The following STT3B variants were observed in gnomAD, a reference collection of about 807,000 sequenced individuals.
The protein encoded by STT3B is dolichyl-diphosphooligosaccharide--protein glycosyltransferase subunit STT3B.
Under a neutral mutation model 96.8 loss-of-function variants are expected in STT3B, and 29 were observed. The ratio of observed to expected loss-of-function variants is 0.30; its 90% confidence interval spans 0.22 to 0.41. The LOEUF is 0.41. Among genes scored for constraint, STT3B ranks in the 10% least tolerant of loss-of-function variants. The pLI, the probability that STT3B is intolerant of heterozygous loss-of-function variation, is 1.00. For synonymous variants in STT3B, 367 were observed against 360.0 expected (o/e 1.02, Z -0.22); for missense variants, 640 against 1,022.3 (o/e 0.63, Z 5.10).
intron 5 of STT3B, among the ~76,000 whole-genome samples, 183 bp downstream of exon 5, chr3:31,600,642 T>G (rs1440185204): frequency 6.6e-6 from 1 of 152,136 alleles, no homozygotes; most frequent in African/African-American, 2.4e-5. Context: ...TCATCAACTT[T>G]TCCTTGACAA....
At chr3:31,538,530 T>C (rs145930705) in intron 1 of STT3B, among the ~76,000 whole-genome samples, 1 of 152,264 alleles carries the variant, frequency 6.6e-6, no homozygotes, top group South Asian at 2.1e-4. Context: ...AGGTGTAATT[T>C]ATGTGAAACT....
intron 1 of STT3B, among the ~76,000 whole-genome samples, chr3:31,552,691 G>C (rs1265734872): frequency 6.6e-6 from 1 of 152,114 alleles, no homozygotes; most frequent in Non-Finnish European, 1.5e-5. Flanking sequence ...CCAGGTTTAA[G>C]TTAGATGTCA....
At chr3:31,588,767 A>C (rs1388467527) in intron 3 of STT3B, among the ~76,000 whole-genome samples, 1 of 151,986 alleles carries the variant, frequency 6.6e-6, no homozygotes, top group African/African-American at 2.4e-5. Context: ...TTGTTAAAAA[A>C]ATTATTCTTT....
At chr3:31,557,330 C>T in intron 1 of STT3B, among the ~76,000 whole-genome samples, 1 of 152,124 alleles carries the variant, frequency 6.6e-6, no homozygotes, top group Non-Finnish European at 1.5e-5. Flanking sequence ...TCTTTTTGCT[C>T]ATGGTTGCTT....
intron 1 of STT3B, among the ~76,000 whole-genome samples, chr3:31,537,968 T>C (rs1423261164): frequency 6.6e-6 from 1 of 152,222 alleles, no homozygotes; most frequent in Admixed American, 6.5e-5. Context: ...TTCCCCTCAA[T>C]TTGTTTACTT....
chr3:31,557,590 C>T (rs1697751033), intron 1 of STT3B, among the ~76,000 whole-genome samples: 1 of 151,738 alleles, frequency 6.6e-6, no homozygotes, highest in African/African-American at 2.4e-5. Context: ...CTTTCACTTC[C>T]TTTGTTAAAT....
At chr3:31,564,024 C>G (rs1023933651) in intron 1 of STT3B, among the ~76,000 whole-genome samples, 1 of 152,140 alleles carries the variant, frequency 6.6e-6, no homozygotes, top group Non-Finnish European at 1.5e-5. Context: ...GAGGCCAGAA[C>G]ATGAACCGGG....
Position 31,629,308 on chromosome 3 carries a change from A to T in STT3B, c.2084A>T (p.Tyr695Phe), listed in dbSNP as rs1352865205. Residue 695 changes from tyrosine to phenylalanine, a missense_variant, in exon 14 of 16, where the codon TAT becomes TTT. Transcript: ENST00000295770. ...EHPKDIRESDYFTPQGEFRVD... is the reference protein window; with the variant it reads ...EHPKDIRESDFFTPQGEFRVD... ...GTTTCTTTCTTGTAGGAAAGTGACT[A>T]TTTTACCCCACAGGGAGAATTCCGT... 6.3e-7 allele frequency: 1 copy of T among 1,597,700 alleles called. No individual in the cohort carries two copies. Among genetic ancestry groups the T allele is most frequent in the East Asian group, 2.2e-5 (1 of 44,672 alleles).
intron 7 of STT3B, 111 bp downstream of exon 7, chr3:31,617,186 C>CTTTTTTTTTTTTTTTTTTTTTTTTTT (rs5847707): frequency 2.1e-6 from 1 of 465,784 alleles, no homozygotes; most frequent in Non-Finnish European, 3.3e-6. Flanking sequence ...TGATTTTTTT[C>CTTTTTTTTTTTTTTTTTTTTTTTTTT]TTTTTTTTTT....
At chr3:31,583,640 A>C (rs909223475) in intron 3 of STT3B, among the ~76,000 whole-genome samples, 1 of 152,188 alleles carries the variant, frequency 6.6e-6, no homozygotes, top group African/African-American at 2.4e-5. Context: ...ACATAACTGC[A>C]TGTAGTTGGA....
chr3:31,532,944 C>A lies in STT3B; in HGVS notation c.-55C>A. 6.5e-7 allele frequency: 1 copy of A among 1,543,564 alleles called. No homozygotes were observed. On this transcript the variant is annotated 5_prime_UTR_variant, in exon 1 of 16. Coordinates refer to ENST00000295770, the MANE Select transcript of STT3B (RefSeq NM_178862.3). ...CTCCGGGTCCCCGCCCAGCACCCCT[C>A]GCACCAGGCGGCGGCGGCGGAGGAG...
chr3:31,602,282 A>T (rs1427311213), intron 5 of STT3B, among the ~76,000 whole-genome samples: 2 of 152,080 alleles, frequency 1.3e-5, no homozygotes, highest in Non-Finnish European at 2.9e-5. Context: ...CAGAAAGGAG[A>T]ATAATAAATA....
At chr3:31,595,619 G>A (rs1173286144) in intron 3 of STT3B, among the ~76,000 whole-genome samples, 1 of 152,084 alleles carries the variant, frequency 6.6e-6, no homozygotes, top group Non-Finnish European at 1.5e-5. Context: ...CCCAGATTTT[G>A]ACATCTCTGA....
chr3:31,574,679 A>G (rs768955789), intron 1 of STT3B, among the ~76,000 whole-genome samples: 1 of 152,098 alleles, frequency 6.6e-6, no homozygotes, highest in Non-Finnish European at 1.5e-5. Flanking sequence ...ATTACTTAAA[A>G]TTCTGATTTT....
chr3:31,538,327 G>A (rs556806234), intron 1 of STT3B, among the ~76,000 whole-genome samples: 12 of 152,246 alleles, frequency 7.9e-5, no homozygotes, highest in African/African-American at 2.9e-4. Flanking sequence ...TATACATGCT[G>A]TTTCAGTATC....
intron 5 of STT3B, among the ~76,000 whole-genome samples, chr3:31,606,535 G>A (rs1559383828): frequency 6.6e-6 from 1 of 152,190 alleles, no homozygotes; most frequent in Non-Finnish European, 1.5e-5. Flanking sequence ...GTAAGTCTCG[G>A]CAGCTTCCAC....
At chr3:31,611,623 A>G (rs1468375441) in intron 5 of STT3B, among the ~76,000 whole-genome samples, 1 of 152,072 alleles carries the variant, frequency 6.6e-6, no homozygotes, top group Non-Finnish European at 1.5e-5. Context: ...CAGCCTCCCA[A>G]GTAGCTGGGA....
At chr3:31,568,802 A>G (rs1326788097) in intron 1 of STT3B, among the ~76,000 whole-genome samples, 1 of 152,196 alleles carries the variant, frequency 6.6e-6, no homozygotes, top group Non-Finnish European at 1.5e-5. Context: ...GTATCAAATG[A>G]TTGGATCTCT....
chr3:31,547,377 G>A (rs1364498931), intron 1 of STT3B, among the ~76,000 whole-genome samples: 1 of 152,154 alleles, frequency 6.6e-6, no homozygotes, highest in Non-Finnish European at 1.5e-5. Context: ...AACATTGCAG[G>A]TCGGGTGCGG....
Sources: gnomAD v4.1 joint callset for allele counts (sites outside exome capture counted in the v4.1 genomes callset) on GRCh38, gnomAD v4.1.1 for gene constraint, MANE v1.5 for transcripts, NCBI Gene and HGNC (gene_info 2026-07-23, HGNC 2026-07-21) for gene names.